Variants in PCDH9 observed in about 807,000 individuals in gnomAD.
PCDH9 encodes the protein protocadherin-9.
Under a neutral mutation model 70.6 loss-of-function variants are expected in PCDH9, and 24 were observed. The ratio of observed to expected loss-of-function variants is 0.34; its 90% CI spans 0.25 to 0.48. The LOEUF (loss-of-function observed/expected upper bound fraction) is 0.48, where lower values mean the gene tolerates loss of function less well. Ranked by LOEUF, PCDH9 falls within the 20% of genes least tolerant of loss-of-function variation. The pLI is 0.99. For synonymous variants in PCDH9, 562 were observed against 558.5 expected (o/e 1.01, Z -0.09); for missense variants, 1,281 against 1,503.6 (o/e 0.85, Z 2.45).
At chr13:66,586,527 T>A (rs1188450860) in intron 4 of PCDH9, among the ~76,000 whole-genome samples, 2 of 152,142 alleles carry the variant, frequency 1.3e-5, no homozygotes, top group Non-Finnish European at 2.9e-5. Flanking sequence ...TCCAGGAGGC[T>A]AGCCCAGGCT....
intron 2 of PCDH9, among the ~76,000 whole-genome samples, chr13:67,177,270 C>T (rs193197100): frequency 2.0e-5 from 3 of 152,162 alleles, no homozygotes; most frequent in East Asian, 1.9e-4. Flanking sequence ...AACCCCCCTG[C>T]CACCTGTCAT....
intron 2 of PCDH9, among the ~76,000 whole-genome samples, chr13:67,154,555 A>G: frequency 1.4e-5 from 2 of 141,534 alleles, no homozygotes; most frequent in South Asian, 2.3e-4. Flanking sequence ...CAGACAGGGA[A>G]ACAGACGGAG....
intron 4 of PCDH9, among the ~76,000 whole-genome samples, chr13:66,515,376 A>G (rs928236518): frequency 2.0e-5 from 3 of 152,018 alleles, no homozygotes; most frequent in African/African-American, 7.2e-5. Context: ...TATTTGTACA[A>G]CTATTCAAAT....
chr13:66,872,798 T>A (rs2081720382), intron 3 of PCDH9, among the ~76,000 whole-genome samples: 1 of 152,176 alleles, frequency 6.6e-6, no homozygotes, highest in Non-Finnish European at 1.5e-5. Context: ...TCTCCTCTAC[T>A]TCTCCCTCTA....
rs71106995 is a variant in PCDH9, at chr13:66,730,858, GT to G, written c.3139-99448del. On this transcript the variant is annotated intron_variant, in intron 3 of 4. Coordinates refer to ENST00000377865, the MANE Select transcript of PCDH9 (RefSeq NM_203487.3). ...CATGCCTGGCTGTTTTTTTGTTTTT[GT>G]TTTTTTGTGTGTGTGTGTTTTTTTT... Among the ~76,000 whole-genome samples, 353 of 46,704 alleles carry G rather than the reference GT, an allele frequency of 7.6e-3. 2 individuals carry two copies. The highest frequency in any genetic ancestry group is 0.034 in the South Asian group (29 of 850). The allele number at this position is 46,704 out of a possible 152,430, so 30.6% of individuals were successfully genotyped here.
At chr13:66,358,919 A>G (rs1422349981) in intron 4 of PCDH9, among the ~76,000 whole-genome samples, 1 of 151,988 alleles carries the variant, frequency 6.6e-6, no homozygotes, top group Admixed American at 6.6e-5. Flanking sequence ...CTTCCCTCCC[A>G]CTGCTGACTA....
At chr13:66,425,619 C>T (rs1358722520) in intron 4 of PCDH9, among the ~76,000 whole-genome samples, 1 of 151,306 alleles carries the variant, frequency 6.6e-6, no homozygotes, top group Admixed American at 6.6e-5. Context: ...TTATAAAATC[C>T]TCCAAAGTTA....
intron 4 of PCDH9, among the ~76,000 whole-genome samples, chr13:66,491,564 T>G (rs1959035051): frequency 6.6e-6 from 1 of 152,164 alleles, no homozygotes; most frequent in East Asian, 1.9e-4. Context: ...TATCTTCTCT[T>G]TAGTTCGTAT....
chr13:66,987,553 AAAATG>A (rs2083917304), intron 2 of PCDH9, among the ~76,000 whole-genome samples: 1 of 152,088 alleles, frequency 6.6e-6, no homozygotes, highest in Non-Finnish European at 1.5e-5. Context: ...ATAAATTTAT[AAAATG>A]AAATGAAGAG....
chr13:66,710,711 A>T (rs1452309192), intron 3 of PCDH9, among the ~76,000 whole-genome samples: 1 of 152,128 alleles, frequency 6.6e-6, no homozygotes, highest in Non-Finnish European at 1.5e-5. Context: ...GGTGTTATTG[A>T]TATTAGGGCT....
chr13:66,507,743 A>G (rs539826819), intron 4 of PCDH9, among the ~76,000 whole-genome samples: 7 of 150,326 alleles, frequency 4.7e-5, no homozygotes, highest in African/African-American at 1.7e-4. Context: ...TGTTTTTGAG[A>G]TGGTGTCTTG....
intron 4 of PCDH9, among the ~76,000 whole-genome samples, chr13:66,614,762 T>C (rs1468226181): frequency 6.6e-6 from 1 of 152,232 alleles, no homozygotes; most frequent in Non-Finnish European, 1.5e-5. Flanking sequence ...CCATTTTTAC[T>C]TTCTGCAGAA....
At chr13:67,134,596 C>T (rs1543617) in intron 2 of PCDH9, among the ~76,000 whole-genome samples, 35,264 of 151,922 alleles carry the variant, frequency 0.23, 4,196 homozygotes, top group Middle Eastern at 0.28. Flanking sequence ...TGTTTTTCTT[C>T]CTTTCTTTCT....
chr13:67,226,620 C>A lies in PCDH9; in HGVS notation c.1821G>T (p.Val607=). The A allele has an allele frequency of 6.2e-7, 1 of 1,614,052 alleles. No homozygotes were observed. The highest frequency in any genetic ancestry group is 1.1e-5 in the South Asian group (1 of 91,072). Reference sequence around the variant, plus strand: ...CATTGTCATTTAGAATGGAAAGAGTCACAGCTTTATTCTCTCCAGCATCTG... The same window carrying A: ...CATTGTCATTTAGAATGGAAAGAGTAACAGCTTTATTCTCTCCAGCATCTG... ...TDADAGENKA[V]TLSILNDNDN... is the part of the protein sequence containing the mutation. The change falls in exon 2 of 5, where the codon GTG becomes GTT. Residue 607 remains valine (V), a synonymous_variant. Coordinates refer to ENST00000377865, the MANE Select transcript of PCDH9 (RefSeq NM_203487.3). This position sits in a 1 kb window ranked among gnomAD's most constrained non-coding sequence, Gnocchi z 5.0.
chr13:67,120,244 G>A (rs2086851786), intron 2 of PCDH9, among the ~76,000 whole-genome samples: 1 of 150,034 alleles, frequency 6.7e-6, no homozygotes, highest in South Asian at 2.1e-4. Flanking sequence ...CCTGAAAAAG[G>A]CTGATACATC....
Position 66,302,993 on chromosome 13 carries a change from C to T in PCDH9, c.*1662G>A, listed in dbSNP as rs1955393221. The T allele has an allele frequency of 6.6e-6, 1 of 152,510 alleles. No individual in the cohort carries two copies. The highest frequency in any genetic ancestry group is 6.6e-5 in the Admixed American group (1 of 15,228). 9.4% of individuals were successfully genotyped at this position (152,510 alleles called of 1,614,324 possible). A position where few individuals can be genotyped will look rare whatever the true frequency, so the allele number is the denominator to read the frequency against. On this transcript the variant is annotated 3_prime_UTR_variant, in exon 5 of 5. Coordinates refer to ENST00000377865, the MANE Select transcript of PCDH9 (RefSeq NM_203487.3). ...ATGTACTTCAATAAGCAATGCACCCCTACCCATTATTTTCCATTATACTGT... is the reference window on the plus strand; with the variant it reads ...ATGTACTTCAATAAGCAATGCACCCTTACCCATTATTTTCCATTATACTGT...
intron 2 of PCDH9, among the ~76,000 whole-genome samples, chr13:66,924,434 A>G (rs2082685073): frequency 6.6e-6 from 1 of 151,864 alleles, no homozygotes; most frequent in Non-Finnish European, 1.5e-5. Context: ...TACTTTGTAC[A>G]TATTTTCAAT....
chr13:66,838,585 A>G (rs1358303047), intron 3 of PCDH9, among the ~76,000 whole-genome samples: 1 of 151,890 alleles, frequency 6.6e-6, no homozygotes, highest in Non-Finnish European at 1.5e-5. Flanking sequence ...TTAAAATTAA[A>G]CCAATATTAA....
At chr13:66,950,459 C>T (rs1429376400) in intron 2 of PCDH9, among the ~76,000 whole-genome samples, 1 of 151,598 alleles carries the variant, frequency 6.6e-6, no homozygotes, top group Non-Finnish European at 1.5e-5. Flanking sequence ...GATTGGGAAA[C>T]ATGGAAAGTT....
Sources: gnomAD v4.1 joint callset for allele counts (sites outside exome capture counted in the v4.1 genomes callset) on GRCh38, gnomAD v4.1.1 for gene constraint, Gnocchi (gnomAD v3.1) non-coding constraint, MANE v1.5 for transcripts, NCBI Gene and HGNC (gene_info 2026-07-23, HGNC 2026-07-21) for gene names.